DTNA: variants seen among roughly 807,000 people sequenced by gnomAD.
The protein encoded by DTNA is dystrobrevin alpha, also known as dystrophin-related protein 3.
Under a neutral mutation model 100.7 loss-of-function variants are expected in DTNA, and 43 were observed. The ratio of observed to expected loss-of-function variants is 0.43; its 90% confidence interval spans 0.33 to 0.55. DTNA has a LOEUF of 0.55. Ranked by LOEUF, DTNA falls within the 20% of genes least tolerant of loss-of-function variation. DTNA has a pLI of 0.04. For missense variants in DTNA, 798 were observed against 953.9 expected, an observed-to-expected ratio of 0.84 and a Z score of 2.15; for synonymous variants, 349 against 347.9, an observed-to-expected ratio of 1.00 and a Z score of -0.04.
chr18:34,694,971 G>A (rs1398425051), intron 1 of DTNA, among the ~76,000 whole-genome samples: 1 of 152,186 alleles, frequency 6.6e-6, no homozygotes, highest in East Asian at 1.9e-4. Context: ...GGTCAAGGGT[G>A]CTACCATGAG....
At chr18:34,865,646 A>T (rs907085004) in intron 17 of DTNA, among the ~76,000 whole-genome samples, 1 of 152,258 alleles carries the variant, frequency 6.6e-6, no homozygotes, top group African/African-American at 2.4e-5. Context: ...ATAACCAAAA[A>T]TAAACTCTTT....
At chr18:34,782,508 T>C (rs1232541956) in intron 3 of DTNA, among the ~76,000 whole-genome samples, 1 of 152,188 alleles carries the variant, frequency 6.6e-6, no homozygotes, top group Non-Finnish European at 1.5e-5. Flanking sequence ...TGAAGTGCTC[T>C]GGGAGCAACA....
chr18:34,806,820 A>G (rs1171206260), intron 5 of DTNA, among the ~76,000 whole-genome samples: 2 of 152,232 alleles, frequency 1.3e-5, no homozygotes, highest in Admixed American at 1.3e-4. Context: ...ATGCCAGTAA[A>G]AGCATGGTAG....
At chr18:34,791,163 G>C (rs905664213) in intron 3 of DTNA, among the ~76,000 whole-genome samples, 1 of 152,116 alleles carries the variant, frequency 6.6e-6, no homozygotes, top group Non-Finnish European at 1.5e-5. Context: ...ATTCTAAAAG[G>C]GTTTCCTATT....
intron 1 of DTNA, among the ~76,000 whole-genome samples, chr18:34,745,754 A>C (rs2091471035): frequency 6.6e-6 from 1 of 152,188 alleles, no homozygotes. Context: ...CACTCCCCAT[A>C]AAATAAAACT....
At chr18:34,771,422 C>A (rs1305124469) in intron 3 of DTNA, among the ~76,000 whole-genome samples, 1 of 152,042 alleles carries the variant, frequency 6.6e-6, no homozygotes, top group African/African-American at 2.4e-5. Context: ...TGGCATGAAC[C>A]CGGGGAGGTG....
intron 1 of DTNA, among the ~76,000 whole-genome samples, chr18:34,519,954 C>G (rs1027023351): frequency 6.6e-6 from 1 of 152,152 alleles, no homozygotes; most frequent in Admixed American, 6.5e-5. Context: ...TACCATAGTA[C>G]CTATAACTCA....
At chr18:34,680,794 A>G (rs990202940) in intron 1 of DTNA, among the ~76,000 whole-genome samples, 1 of 152,184 alleles carries the variant, frequency 6.6e-6, no homozygotes, top group Non-Finnish European at 1.5e-5. Context: ...CTAGAAGAAA[A>G]AAATGAAAAT....
intron 4 of DTNA, among the ~76,000 whole-genome samples, chr18:34,802,577 T>C (rs961817565): frequency 1.3e-5 from 2 of 152,316 alleles, no homozygotes; most frequent in African/African-American, 4.8e-5. Context: ...CACAATGAAA[T>C]AGGGACCCTG....
intron 4 of DTNA, among the ~76,000 whole-genome samples, chr18:34,804,036 A>G (rs1027357944): frequency 2.0e-5 from 3 of 152,240 alleles, no homozygotes; most frequent in Non-Finnish European, 2.9e-5. Context: ...TAAAAATCAC[A>G]TCAAGGTCAT....
intron 1 of DTNA, among the ~76,000 whole-genome samples, chr18:34,680,467 G>A (rs1568202832): frequency 6.6e-6 from 1 of 152,106 alleles, no homozygotes; most frequent in East Asian, 1.9e-4. Flanking sequence ...GAAGAAAGGT[G>A]ATCTTCAGAA....
chr18:34,561,804 A>C (rs1321040796), intron 1 of DTNA, among the ~76,000 whole-genome samples: 3 of 152,186 alleles, frequency 2.0e-5, no homozygotes, highest in Non-Finnish European at 4.4e-5. Context: ...ATCCTGGCAT[A>C]ATCCTTCATT....
intron 1 of DTNA, among the ~76,000 whole-genome samples, chr18:34,545,686 CTTCAA>C (rs2044706006): frequency 6.6e-6 from 1 of 152,000 alleles, no homozygotes; most frequent in East Asian, 1.9e-4. Context: ...TTCCCACTAC[CTTCAA>C]TTCAATCTTC....
At chr18:34,737,543 T>A (rs1651892061) in intron 1 of DTNA, among the ~76,000 whole-genome samples, 1 of 152,138 alleles carries the variant, frequency 6.6e-6, no homozygotes, top group Non-Finnish European at 1.5e-5. Context: ...AACCAAGGGA[T>A]GCTTAGAGAA....
intron 1 of DTNA, among the ~76,000 whole-genome samples, chr18:34,637,526 G>T (rs571779862): frequency 3.3e-5 from 5 of 152,218 alleles, no homozygotes; most frequent in African/African-American, 1.2e-4. Flanking sequence ...ATTCCGTTTG[G>T]CTCTCAGATA....
At chr18:34,835,256 C>A (rs1699384271) in intron 11 of DTNA, among the ~76,000 whole-genome samples, 1 of 152,144 alleles carries the variant, frequency 6.6e-6, no homozygotes, top group African/African-American at 2.4e-5. Flanking sequence ...TATAGCAAAA[C>A]AAAATAGTTT....
chr18:34,561,182 A>G (rs1390376055), intron 1 of DTNA, among the ~76,000 whole-genome samples: 1 of 152,198 alleles, frequency 6.6e-6, no homozygotes, highest in African/African-American at 2.4e-5. Flanking sequence ...ACAACTATAT[A>G]CTACAACAAA....
chr18:34,735,268 A>T (rs1241870683), intron 1 of DTNA, among the ~76,000 whole-genome samples: 2 of 152,060 alleles, frequency 1.3e-5, no homozygotes, highest in Admixed American at 6.6e-5. Flanking sequence ...AGCTGATTAG[A>T]TTGTACCTAC....
At chr18:34,582,858 C>A (rs1338604849) in intron 1 of DTNA, among the ~76,000 whole-genome samples, 1 of 152,140 alleles carries the variant, frequency 6.6e-6, no homozygotes, top group Non-Finnish European at 1.5e-5. Context: ...AACCTTACCT[C>A]AAATAACAAA....
Sources: gnomAD v4.1 joint callset for allele counts (sites outside exome capture counted in the v4.1 genomes callset) on GRCh38, gnomAD v4.1.1 for gene constraint, MANE v1.5 for transcripts, NCBI Gene and HGNC (gene_info 2026-07-23, HGNC 2026-07-21) for gene names.